CDH23: variants seen among roughly 807,000 people sequenced by gnomAD.
CDH23 encodes the protein cadherin-23.
In CDH23, 189 loss-of-function variants were observed where a neutral mutation model predicts 317.1. The observed-to-expected ratio is 0.60, with a 90% CI of 0.53 to 0.67. The LOEUF (loss-of-function observed/expected upper bound fraction) is 0.67. CDH23 is among the 30% of genes least tolerant of loss of function. CDH23 has a pLI of 0.00. For synonymous variants in CDH23, 1,839 were observed against 1,876.8 expected (o/e 0.98, Z 0.52); for missense variants, 4,401 against 4,592.4 (o/e 0.96, Z 1.20).
chr10:71,408,743 CTG>C (rs1241235300), intron 1 of CDH23, among the ~76,000 whole-genome samples: 1 of 152,302 alleles, frequency 6.6e-6, no homozygotes, highest in East Asian at 1.9e-4. Context: ...CTCGTTGCAC[CTG>C]TGTGTTTCAC....
chr10:71,657,435 T>C (rs1446345175), intron 14 of CDH23, among the ~76,000 whole-genome samples: 2 of 152,210 alleles, frequency 1.3e-5, no homozygotes, highest in African/African-American at 4.8e-5. Flanking sequence ...TTTTCTAGAA[T>C]AGTCGTCTCT....
rs557469483 is a variant in CDH23 at position 71,637,659 on chromosome 10, CG to C, written c.1135-6201del. On this transcript the variant is annotated intron_variant, in intron 11 of 69. Coordinates refer to ENST00000224721, the MANE Select transcript of CDH23 (RefSeq NM_022124.6). ...TCATGGGGCTCTTCCCTGGCAGACC[CG>C]AGTTGGGGACAGGGTTGGTTTTGGT... is the stretch of plus-strand genomic sequence containing the variant. Among the ~76,000 whole-genome samples, 23 of 152,234 alleles carry C rather than the reference CG, an allele frequency of 1.5e-4. No homozygotes were observed. The East Asian group carries it at 4.4e-3, about 29-fold the overall frequency.
At position 71,798,370 on chromosome 10, in the gene CDH23, C is replaced by A; in HGVS notation, c.6846C>A (p.Asn2282Lys). The A allele has an allele frequency of 6.2e-7, 1 of 1,613,682 alleles. No individual in the cohort carries two copies. The highest frequency in any genetic ancestry group is 8.5e-7 in the Non-Finnish European group (1 of 1,179,594). The change falls in exon 50 of 70, where the codon AAC becomes AAA. Residue 2282 changes from asparagine (N) to lysine (K), a missense_variant. Asn to Lys is a moderately conservative substitution (Grantham distance 94). Transcript: ENST00000224721. Reference protein sequence around the residue: ...VSVPNAKLTVNVLDVNDNTPQ... With the variant: ...VSVPNAKLTVKVLDVNDNTPQ... ...CCACCACAGCCAAGCTGACTGTCAA[C>A]GTCCTGGACGTCAATGACAATACGC...
chr10:71,737,984 C>A (rs1471503415), intron 34 of CDH23, among the ~76,000 whole-genome samples: 2 of 152,238 alleles, frequency 1.3e-5, no homozygotes, highest in African/African-American at 4.8e-5. Flanking sequence ...TTCCTTCCCT[C>A]TAAGCCCAAG....
In CDH23 at chr10:71,690,420, G is replaced by A. The variant is rs763788097; in HGVS notation, c.2060-48G>A. On this transcript the variant is annotated intron_variant, in intron 19 of 69. Coordinates refer to ENST00000224721, the MANE Select transcript of CDH23 (RefSeq NM_022124.6). ...CCAGGGCTGGGGCCTTGAAGCCAGGGGCCCAGGGTGAGCAGCACCCCCTGC... is the reference window on the plus strand; with the variant it reads ...CCAGGGCTGGGGCCTTGAAGCCAGGAGCCCAGGGTGAGCAGCACCCCCTGC... The A allele has an allele frequency of 4.9e-6, 7 of 1,434,848 alleles. No homozygotes were observed. The African/African-American group carries it at 7.1e-5, about 14-fold the overall frequency. The allele number at this position is 1,434,848 out of a possible 1,614,324, so 88.9% of individuals were successfully genotyped here.
chr10:71,580,041 G>A (rs1858514414), intron 9 of CDH23, among the ~76,000 whole-genome samples: 1 of 152,212 alleles, frequency 6.6e-6, no homozygotes, highest in African/African-American at 2.4e-5. Context: ...GCTTAGAATG[G>A]GAACTCCTGC....
chr10:71,533,497 G>A (rs959311587), intron 6 of CDH23, among the ~76,000 whole-genome samples: 25 of 149,630 alleles, frequency 1.7e-4, no homozygotes, highest in African/African-American at 5.2e-4. Context: ...AGAAACCCAC[G>A]CAATTGTGAC....
chr10:71,578,190 A>C (rs1267558917), intron 9 of CDH23, among the ~76,000 whole-genome samples, 198 bp downstream of exon 9: 2 of 152,066 alleles, frequency 1.3e-5, no homozygotes, highest in African/African-American at 4.8e-5. Context: ...CAGGGAGAAG[A>C]GGTGCTGGGA....
chr10:71,583,276 G>T (rs1037243385), intron 9 of CDH23, among the ~76,000 whole-genome samples: 1 of 152,010 alleles, frequency 6.6e-6, no homozygotes, highest in Non-Finnish European at 1.5e-5. Flanking sequence ...TGCTGAGGCC[G>T]CAGAGGGAGG....
In CDH23 at chr10:71,682,432, C is replaced by T; in HGVS notation, c.1859-13C>T. The T allele has an allele frequency of 1.2e-6, 2 of 1,610,842 alleles. No individual in the cohort carries two copies. Among genetic ancestry groups the T allele is most frequent in the Non-Finnish European group, 1.7e-6 (2 of 1,178,462 alleles). On this transcript the variant is annotated splice_polypyrimidine_tract_variant and intron_variant, in intron 17 of 69. Coordinates refer to ENST00000224721, the MANE Select transcript of CDH23 (RefSeq NM_022124.6). ...TGCTTACAGAGGGATCTGGCCTGTT[C>T]CTGTCATTGCAGTGATCAGCGTCAG... is the stretch of plus-strand genomic sequence containing the variant.
chr10:71,483,562 C>G (rs904961075), intron 3 of CDH23, among the ~76,000 whole-genome samples: 3 of 152,194 alleles, frequency 2.0e-5, no homozygotes, highest in South Asian at 4.1e-4. Context: ...CACTTTCCCC[C>G]ACTAGCTCCC....
chr10:71,494,051 A>G (rs1164714502), intron 3 of CDH23, among the ~76,000 whole-genome samples: 2 of 152,104 alleles, frequency 1.3e-5, no homozygotes, highest in Non-Finnish European at 2.9e-5. Flanking sequence ...CATTTTTCGG[A>G]GAATTTTTTG....
intron 3 of CDH23, among the ~76,000 whole-genome samples, chr10:71,460,595 G>C (rs1042877102): frequency 4.6e-5 from 7 of 152,360 alleles, no homozygotes; most frequent in Non-Finnish European, 8.8e-5. Context: ...AGATAACTCA[G>C]GCCTGACGGG....
chr10:71,640,604 C>T (rs868828130), intron 11 of CDH23, among the ~76,000 whole-genome samples: 22 of 152,254 alleles, frequency 1.4e-4, no homozygotes, highest in Middle Eastern at 6.8e-3. Flanking sequence ...AAAAATTCCC[C>T]GGGCGTGGTG....
At chr10:71,668,615 G>A (rs998100303) in intron 14 of CDH23, among the ~76,000 whole-genome samples, 1 of 152,200 alleles carries the variant, frequency 6.6e-6, no homozygotes, top group Non-Finnish European at 1.5e-5. Context: ...TAGGGCTGTT[G>A]GGAAGACTGA....
At position 71,732,574 on chromosome 10, in the gene CDH23, A is replaced by C. The variant is rs186183707; in HGVS notation, c.4104+199A>C. ...TTCAGCTCAGGAGTTTGGAGGCTGCAGTGAGCTGCGTTTGCACCACTGCAC... is the reference window on the plus strand; with the variant it reads ...TTCAGCTCAGGAGTTTGGAGGCTGCCGTGAGCTGCGTTTGCACCACTGCAC... On this transcript the variant is annotated intron_variant, in intron 32 of 69. Transcript: ENST00000224721. 736 of 1,318,448 alleles carry C rather than the reference A, an allele frequency of 5.6e-4. 5 individuals carry two copies. The African/African-American group carries it at 8.9e-3, about 16-fold the overall frequency. 81.7% of individuals were successfully genotyped at this position (1,318,448 alleles called of 1,614,324 possible).
chr10:71,718,793 G>C (rs760906088), intron 28 of CDH23, among the ~76,000 whole-genome samples: 1 of 152,176 alleles, frequency 6.6e-6, no homozygotes, highest in Non-Finnish European at 1.5e-5. Context: ...GAGGCCAGGC[G>C]TGTTGGCTCT....
At chr10:71,668,471 A>G (rs1864004221) in intron 14 of CDH23, among the ~76,000 whole-genome samples, 1 of 152,180 alleles carries the variant, frequency 6.6e-6, no homozygotes, top group Admixed American at 6.5e-5. Context: ...TTAAGAGCAC[A>G]CGCCTTGGAG....
At chr10:71,664,913 C>T (rs1863824446) in intron 14 of CDH23, among the ~76,000 whole-genome samples, 1 of 91,830 alleles carries the variant, frequency 1.1e-5, no homozygotes, top group African/African-American at 3.8e-5. Flanking sequence ...CTTTATCTCT[C>T]CCCCAGCCCC....
Sources: allele counts gnomAD v4.1 joint callset (sites outside exome capture counted in the v4.1 genomes callset), GRCh38; gene constraint gnomAD v4.1.1; transcripts MANE v1.5; gene names NCBI Gene and HGNC (gene_info 2026-07-23, HGNC 2026-07-21).